WDR13: variants seen among roughly 807,000 people sequenced by gnomAD.
WDR13 encodes the protein WD repeat domain 13, also known as WD repeat-containing protein 13.
A neutral mutation model predicts 28.6 loss-of-function variants in WDR13; 1 was observed. The ratio of observed to expected loss-of-function variants is 0.03; its 90% CI spans 0.01 to 0.17. The LOEUF (loss-of-function observed/expected upper bound fraction) is 0.17. Among genes scored for constraint, WDR13 ranks in the 10% least tolerant of loss-of-function variants. The probability of loss-of-function intolerance (pLI) is 1.00; values close to 1 mark genes in which losing one functional copy is unlikely to be tolerated. For missense variants in WDR13, 264 were observed against 469.3 expected, an observed-to-expected ratio of 0.56 and a Z score of 4.04; for synonymous variants, 201 against 185.9, an observed-to-expected ratio of 1.08 and a Z score of -0.66.
At chrX:48,598,461 C>G in intron 2 of WDR13, 1 of 1,029,602 alleles carries the variant, frequency 9.7e-7, no homozygotes, top group Non-Finnish European at 1.2e-6. Flanking sequence ...CTGACCCAGT[C>G]ACCCCGTAGG....
chrX:48,600,640 A>G lies in WDR13; in HGVS notation c.831+14A>G, dbSNP rs781835026. 1 of 1,201,633 alleles carries G rather than the reference A, an allele frequency of 8.3e-7. No individual in the cohort carries two copies. Among genetic ancestry groups the G allele is most frequent in the Non-Finnish European group, 1.1e-6 (1 of 890,556 alleles). On this transcript the variant is annotated intron_variant, in intron 6 of 9. Coordinates refer to ENST00000376729, the MANE Select transcript of WDR13 (RefSeq NM_001347217.2). ...AACCTCACTGTGGTCAGGCTCCAGG[A>G]CACCCACTCACCAAGGGCTGGTGGG...
chrX:48,602,241 G>A, intron 8 of WDR13, 35 bp downstream of exon 8: 1 of 1,185,699 alleles, frequency 8.4e-7, no homozygotes, highest in South Asian at 1.8e-5. Flanking sequence ...GGAGACGGAG[G>A]ACCTGCCTCC....
chrX:48,605,197 C>A lies in WDR13; in HGVS notation c.*165C>A. On this transcript the variant is annotated 3_prime_UTR_variant, in exon 10 of 10. Coordinates refer to ENST00000376729, the MANE Select transcript of WDR13 (RefSeq NM_001347217.2). Reference sequence around the variant, plus strand: ...TCCAGGAACACGGTGGAACGGGGTTCATTGACTCATTTGTGCATTCATGCA... The same window carrying A: ...TCCAGGAACACGGTGGAACGGGGTTAATTGACTCATTTGTGCATTCATGCA... 1 of 543,178 alleles carries A rather than the reference C, an allele frequency of 1.8e-6. No individual in the cohort carries two copies. Among genetic ancestry groups the A allele is most frequent in the Non-Finnish European group, 2.9e-6 (1 of 347,299 alleles). The allele number at this position is 543,178 out of a possible 1,213,427, so 44.8% of individuals were successfully genotyped here.
intron 8 of WDR13, among the ~76,000 whole-genome samples, chrX:48,602,724 A>T (rs1314188668): frequency 1.8e-5 from 2 of 110,334 alleles, no homozygotes; most frequent in African/African-American, 6.6e-5. Context: ...GGGCATTGGT[A>T]GATTGAGAAA....
Position 48,597,616 on chromosome X carries a change from T to G in WDR13, c.-40+2T>G. The G allele has an allele frequency of 5.9e-6, 1 of 169,335 alleles. No individual in the cohort carries two copies. 14.0% of individuals were successfully genotyped at this position (169,335 alleles called of 1,213,427 possible). On this transcript the variant is annotated splice_donor_variant, in intron 1 of 9. Transcript: ENST00000376729. LOFTEE classifies it low-confidence loss of function (5UTR_SPLICE). The stretch of plus-strand genomic sequence containing the variant: ...CAAGAACCGGAGGCAGCCCCGGAGG[T>G]GGTCCCCGATCCCGGGCTATGCTCT...
chrX:48,598,643 C>CGGGGG, intron 2 of WDR13, 74 bp from the exon 3 acceptor site: 2 of 1,086,116 alleles, frequency 1.8e-6, no homozygotes. Context: ...ACTCTCCTGC[C>CGGGGG]GTACCCCCCC....
At chrX:48,603,531 C>G (rs1441512568) in intron 8 of WDR13, among the ~76,000 whole-genome samples, 2 of 111,690 alleles carry the variant, frequency 1.8e-5, no homozygotes, top group Non-Finnish European at 3.8e-5. Context: ...GCCTATAATC[C>G]CAGCTACTTG....
In WDR13 at chrX:48,608,396, G is replaced by C. The variant is rs1033111609; in HGVS notation, c.*3364G>C. 1 of 111,689 alleles carries C rather than the reference G, an allele frequency of 9.0e-6. No individual in the cohort carries two copies. Among genetic ancestry groups the C allele is most frequent in the African/African-American group, 3.3e-5 (1 of 30,708 alleles). 9.2% of individuals were successfully genotyped at this position (111,689 alleles called of 1,213,427 possible). ...CTACCAAAGTGCTGGCGTTACAGGT[G>C]TGAGCCACCACACCCGGCCCGAGTG... On this transcript the variant is annotated 3_prime_UTR_variant, in exon 10 of 10. Coordinates refer to ENST00000376729, the MANE Select transcript of WDR13 (RefSeq NM_001347217.2).
intron 8 of WDR13, 76 bp from the exon 9 acceptor site, chrX:48,604,196 G>GTGGGGA: frequency 2.1e-6 from 2 of 951,880 alleles, no homozygotes; most frequent in Non-Finnish European, 3.0e-6. Context: ...AGGCACAGGG[G>GTGGGGA]TGGGGACACA....
chrX:48,598,667 G>C, intron 2 of WDR13, 50 bp from the exon 3 acceptor site: 1 of 1,047,792 alleles, frequency 9.5e-7, no homozygotes, highest in Non-Finnish European at 1.2e-6. Context: ...CGAGCTGATT[G>C]ATTCCCTCTG....
chrX:48,602,078 A>G lies in WDR13; in HGVS notation c.1026A>G (p.Lys342=). ...CTGCTGCTGCAGGGAAGCTGACCAA[A>G]GCCAAGCGTTTGGTGGTGCATGAGG... is the stretch of plus-strand genomic sequence containing the variant. ...LFDMATGKLT[K]AKRLVVHEGS... Residue 342 remains lysine, a synonymous_variant, in exon 8 of 10, where the codon AAA becomes AAG. Transcript: ENST00000376729. 8.3e-7 allele frequency: 1 copy of G among 1,211,006 alleles called. No homozygotes were observed. The highest frequency in any genetic ancestry group is 1.1e-6 in the Non-Finnish European group (1 of 894,836).
In WDR13 at chrX:48,605,314, A is replaced by C. The variant is rs1446643479; in HGVS notation, c.*282A>C. On this transcript the variant is annotated 3_prime_UTR_variant, in exon 10 of 10. Transcript: ENST00000376729. ...TGTTTTACACACTTATGCATTCGAT[A>C]GACATTAGTGAGCCCTGACCGTGTG... 2 of 344,831 alleles carry C rather than the reference A, an allele frequency of 5.8e-6. No homozygotes were observed. The highest frequency in any genetic ancestry group is 5.1e-5 in the African/African-American group (2 of 38,960). 28.4% of individuals were successfully genotyped at this position (344,831 alleles called of 1,213,427 possible).
rs1556995468 is a variant in WDR13, at chrX:48,604,350, C to T, written c.1233C>T (p.Ile411=). The T allele has an allele frequency of 1.7e-6, 2 of 1,210,927 alleles. No homozygotes were observed. Among genetic ancestry groups the T allele is most frequent in the South Asian group, 1.8e-5 (1 of 56,688 alleles). ...AGAGCTCACATCCTGTGCGCAGCAT[C>T]TTCTGTCCCCTCATGTCCTTCCGCC... ...IEQSSHPVRS[I]FCPLMSFRQG... Residue 411 remains isoleucine (I), a synonymous_variant, in exon 9 of 10, where the codon ATC becomes ATT. Transcript: ENST00000376729.
At chrX:48,601,693 A>G in intron 6 of WDR13, 91 bp from the exon 7 acceptor site, 2 of 941,663 alleles carry the variant, frequency 2.1e-6, no homozygotes, top group South Asian at 5.5e-5. Context: ...AATAGGGACC[A>G]GCCAGTCGCA....
intron 2 of WDR13, 119 bp from the exon 3 acceptor site, chrX:48,598,598 T>A: frequency 9.1e-7 from 1 of 1,097,177 alleles, no homozygotes; most frequent in Non-Finnish European, 1.2e-6. Context: ...CTAGTCATTC[T>A]TACCACCTAG....
chrX:48,602,457 A>C lies in WDR13; in HGVS notation c.1154+251A>C, dbSNP rs190961570. Among the ~76,000 whole-genome samples the C allele has an allele frequency of 8.2e-5, 9 of 110,368 alleles. No homozygotes were observed. In the East Asian group the frequency reaches 2.0e-3, roughly 24 times the overall value. Reference sequence around the variant, plus strand: ...GGTGCTGTTATTATCTCCATTTTGCAGGTGAGCAAACTGAAGCATAAAATA... The same window carrying C: ...GGTGCTGTTATTATCTCCATTTTGCCGGTGAGCAAACTGAAGCATAAAATA... On this transcript the variant is annotated intron_variant, in intron 8 of 9. Transcript: ENST00000376729.
rs2062221637 is a variant in WDR13 at position 48,606,495 on chromosome X, C to T, written c.*1463C>T. 1 of 111,083 alleles carries T rather than the reference C, an allele frequency of 9.0e-6. No individual in the cohort carries two copies. Among genetic ancestry groups the T allele is most frequent in the Non-Finnish European group, 1.9e-5 (1 of 52,992 alleles). 9.2% of individuals were successfully genotyped at this position (111,083 alleles called of 1,213,427 possible). A position where few individuals can be genotyped will look rare whatever the true frequency, so the allele number is the denominator to read the frequency against. Reference sequence around the variant, plus strand: ...TGTGGCGGAATCTCCATCCCTCAGACCACCCCTGTCTCCTCCCAGCCCCAT... The same window carrying T: ...TGTGGCGGAATCTCCATCCCTCAGATCACCCCTGTCTCCTCCCAGCCCCAT... On this transcript the variant is annotated 3_prime_UTR_variant, in exon 10 of 10. Transcript: ENST00000376729.
intron 8 of WDR13, among the ~76,000 whole-genome samples, chrX:48,602,532 CTTTTTT>C (rs55822629): frequency 8.1e-4 from 68 of 83,864 alleles, no homozygotes; most frequent in African/African-American, 2.7e-3. Context: ...TCCTTCCTTC[CTTTTTT>C]TTTTTTTTTT....
chrX:48,599,030 C>T, intron 3 of WDR13, 73 bp downstream of exon 3: 1 of 1,138,219 alleles, frequency 8.8e-7, no homozygotes, highest in Non-Finnish European at 1.2e-6. Context: ...TTTCATCAAG[C>T]ACCTGCTCTT....
Sources: gnomAD v4.1 joint callset for allele counts (sites outside exome capture counted in the v4.1 genomes callset) on GRCh38, gnomAD v4.1.1 for gene constraint, MANE v1.5 for transcripts, NCBI Gene and HGNC (gene_info 2026-07-23, HGNC 2026-07-21) for gene names.